The following CADM2 variants were observed in gnomAD, a reference collection of about 807,000 sequenced individuals.
CADM2 encodes cell adhesion molecule 2, also known as immunoglobulin superfamily member 4D.
Under a neutral mutation model 49.8 loss-of-function variants are expected in CADM2, and 12 were observed. The ratio of observed to expected loss-of-function variants is 0.24; its 90% confidence interval spans 0.15 to 0.39. The LOEUF is 0.39. CADM2 is among the 10% of genes least tolerant of loss of function. The probability of loss-of-function intolerance (pLI) is 1.00; values close to 1 mark genes in which losing one functional copy is unlikely to be tolerated. For missense variants in CADM2, 378 were observed against 492.3 expected, an observed-to-expected ratio of 0.77 and a Z score of 2.20; for synonymous variants, 214 against 175.4, an observed-to-expected ratio of 1.22 and a Z score of -1.74.
chr3:85,303,853 A>G (rs992240072), intron 1 of CADM2, among the ~76,000 whole-genome samples: 2 of 151,928 alleles, frequency 1.3e-5, no homozygotes, highest in Non-Finnish European at 2.9e-5. Flanking sequence ...CAGCATTAAA[A>G]GATTGGATGA....
chr3:85,118,447 T>C (rs144958297), intron 1 of CADM2, among the ~76,000 whole-genome samples: 63 of 152,176 alleles, frequency 4.1e-4, no homozygotes, highest in African/African-American at 1.5e-3. Context: ...GGCCTTACAA[T>C]TATGACAGAA....
intron 1 of CADM2, among the ~76,000 whole-genome samples, chr3:85,193,791 C>G (rs2041270858): frequency 6.6e-6 from 1 of 152,070 alleles, no homozygotes; most frequent in South Asian, 2.1e-4. Flanking sequence ...TCCTAACTCC[C>G]TAGTGACATA....
At chr3:85,055,134 A>G (rs140749386) in intron 1 of CADM2, among the ~76,000 whole-genome samples, 5 of 151,874 alleles carry the variant, frequency 3.3e-5, no homozygotes, top group African/African-American at 9.7e-5. Context: ...TTTTCATTCA[A>G]TGCATTCTTA....
At chr3:85,262,217 C>G (rs1439552773) in intron 1 of CADM2, among the ~76,000 whole-genome samples, 1 of 152,076 alleles carries the variant, frequency 6.6e-6, no homozygotes, top group Non-Finnish European at 1.5e-5. Flanking sequence ...TTTCTCCTGA[C>G]TTAAATGATA....
intron 1 of CADM2, among the ~76,000 whole-genome samples, chr3:85,060,355 G>A (rs955689395): frequency 2.0e-5 from 3 of 152,066 alleles, no homozygotes; most frequent in East Asian, 1.9e-4. Flanking sequence ...TCGAACTCCT[G>A]ACCTCAGGTG....
chr3:85,651,311 CAA>C (rs2065036199), intron 1 of CADM2, among the ~76,000 whole-genome samples: 1 of 152,118 alleles, frequency 6.6e-6, no homozygotes, highest in African/African-American at 2.4e-5. Flanking sequence ...GGTCACTTAA[CAA>C]GAGCAATTAC....
chr3:85,568,993 C>A (rs1027602127), intron 1 of CADM2, among the ~76,000 whole-genome samples: 2 of 152,146 alleles, frequency 1.3e-5, no homozygotes, highest in African/African-American at 2.4e-5. Flanking sequence ...AAATTCACAT[C>A]CAGTTGCCAC....
chr3:86,021,648 T>G (rs1733194766), intron 8 of CADM2, among the ~76,000 whole-genome samples: 1 of 152,190 alleles, frequency 6.6e-6, no homozygotes, highest in South Asian at 2.1e-4. Context: ...CTGTTAAGTT[T>G]ATTGTCCTCC....
intron 8 of CADM2, among the ~76,000 whole-genome samples, chr3:86,029,364 A>C (rs75201793): frequency 0.032 from 4,897 of 152,126 alleles, 153 homozygotes; most frequent in African/African-American, 0.077. Flanking sequence ...AGACTGGGGA[A>C]ATATCAGAGA....
At chr3:85,939,365 T>A (rs1721556245) in intron 7 of CADM2, among the ~76,000 whole-genome samples, 1 of 151,938 alleles carries the variant, frequency 6.6e-6, no homozygotes, top group African/African-American at 2.4e-5. Flanking sequence ...TGCCAGCCAC[T>A]TTTCTTTCAA....
At chr3:85,149,556 C>T (rs1009220562) in intron 1 of CADM2, among the ~76,000 whole-genome samples, 2 of 151,994 alleles carry the variant, frequency 1.3e-5, no homozygotes, top group Admixed American at 6.6e-5. Context: ...GAAACCCCGT[C>T]TCTACTAAAA....
intron 1 of CADM2, among the ~76,000 whole-genome samples, chr3:85,030,961 G>C (rs1166760560): frequency 6.6e-6 from 1 of 152,126 alleles, no homozygotes; most frequent in Non-Finnish European, 1.5e-5. Context: ...AGGTGGGGAC[G>C]ATGTAAGGAA....
Position 84,959,059 on chromosome 3 carries a change from C to T in CADM2, c.-549C>T, listed in dbSNP as rs2030182027. The stretch of plus-strand genomic sequence containing the variant: ...CTGCAGCCGGAGCATCCGGGAGCCG[C>T]CACTGCCGCCGCCGCTGCCGCTGCT... On this transcript the variant is annotated 5_prime_UTR_variant, in exon 1 of 10. Coordinates refer to ENST00000383699, the MANE Select transcript of CADM2 (RefSeq NM_001167675.2). 2.0e-5 allele frequency: 4 copies of T among 203,094 alleles called. No homozygotes were observed. The South Asian group carries it at 2.6e-4, about 13-fold the overall frequency. 12.6% of individuals were successfully genotyped at this position (203,094 alleles called of 1,614,324 possible). A position where few individuals can be genotyped will look rare whatever the true frequency, so the allele number is the denominator to read the frequency against.
chr3:85,236,527 T>C (rs2042411507), intron 1 of CADM2, among the ~76,000 whole-genome samples: 1 of 152,132 alleles, frequency 6.6e-6, no homozygotes, highest in Admixed American at 6.6e-5. Flanking sequence ...GCAAAGGATG[T>C]AATTAGATAT....
chr3:85,286,673 A>G (rs2043640887), intron 1 of CADM2, among the ~76,000 whole-genome samples: 1 of 152,196 alleles, frequency 6.6e-6, no homozygotes, highest in Admixed American at 6.6e-5. Flanking sequence ...GTAGTTTTAA[A>G]GAAAGAACAC....
At chr3:84,979,638 AT>A (rs2032042927) in intron 1 of CADM2, among the ~76,000 whole-genome samples, 1 of 152,092 alleles carries the variant, frequency 6.6e-6, no homozygotes, top group South Asian at 2.1e-4. Flanking sequence ...ACTTCAATAA[AT>A]GAAGATGATT....
chr3:85,853,082 G>C (rs931497737), intron 3 of CADM2, among the ~76,000 whole-genome samples: 4 of 151,778 alleles, frequency 2.6e-5, no homozygotes, highest in Non-Finnish European at 4.4e-5. Context: ...AGCTGGGACA[G>C]TGATTTAAAC....
chr3:85,074,713 C>T (rs1216687807), intron 1 of CADM2, among the ~76,000 whole-genome samples: 3 of 152,010 alleles, frequency 2.0e-5, no homozygotes, highest in African/African-American at 7.3e-5. Flanking sequence ...TTAAATCAGC[C>T]AGCTCCCTCA....
At chr3:84,995,219 G>A (rs371211569) in intron 1 of CADM2, among the ~76,000 whole-genome samples, 3 of 151,994 alleles carry the variant, frequency 2.0e-5, no homozygotes, top group South Asian at 2.1e-4. Flanking sequence ...ATGTTATAGC[G>A]GACCTGCCAT....
Sources: gnomAD v4.1 joint callset for allele counts (sites outside exome capture counted in the v4.1 genomes callset) on GRCh38, gnomAD v4.1.1 for gene constraint, MANE v1.5 for transcripts, NCBI Gene and HGNC (gene_info 2026-07-23, HGNC 2026-07-21) for gene names.